DGKZ: variants seen among roughly 807,000 people sequenced by gnomAD.
DGKZ encodes DAG kinase zeta.
Under a neutral mutation model 142.5 loss-of-function variants are expected in DGKZ, and 45 were observed. The ratio of observed to expected loss-of-function variants is 0.32; its 90% CI spans 0.25 to 0.40. The LOEUF is 0.40. Ranked by LOEUF, DGKZ falls within the 10% of genes least tolerant of loss-of-function variation. The pLI, the probability that DGKZ is intolerant of heterozygous loss-of-function variation, is 1.00. For synonymous variants in DGKZ, 442 were observed against 527.0 expected (o/e 0.84, Z 2.21); for missense variants, 755 against 1,306.5 (o/e 0.58, Z 6.51).
chr11:46,341,430 G>A (rs1940271516), intron 1 of DGKZ, among the ~76,000 whole-genome samples: 1 of 152,234 alleles, frequency 6.6e-6, no homozygotes. Flanking sequence ...GGGGTGGAAT[G>A]CCAGTTCAGG....
intron 26 of DGKZ, 34 bp downstream of exon 26, chr11:46,378,263 GC>G: frequency 6.3e-7 from 1 of 1,591,868 alleles, no homozygotes; most frequent in Non-Finnish European, 8.6e-7. Flanking sequence ...CCTCCTTTCT[GC>G]CTGGTTGGGG....
At position 46,371,277 on chromosome 11, in the gene DGKZ, C is replaced by T. The variant is rs1590590750; in HGVS notation, c.571-36C>T. ...GAGGGGCTGGGTCTGCTGCTCCACGCCTGCCCTGGTTCCCATCCATCCTGT... is the reference window on the plus strand; with the variant it reads ...GAGGGGCTGGGTCTGCTGCTCCACGTCTGCCCTGGTTCCCATCCATCCTGT... On this transcript the variant is annotated intron_variant, in intron 6 of 30. Coordinates refer to ENST00000527911, the Ensembl canonical transcript of DGKZ. 6 of 1,604,064 alleles carry T rather than the reference C, an allele frequency of 3.7e-6. No individual in the cohort carries two copies. In the African/African-American group the frequency reaches 5.3e-5, roughly 14 times the overall value.
At chr11:46,357,405 T>C (rs1942155529) in intron 1 of DGKZ, among the ~76,000 whole-genome samples, 1 of 152,144 alleles carries the variant, frequency 6.6e-6, no homozygotes, top group South Asian at 2.1e-4. Flanking sequence ...TGGGGTCCTC[T>C]AGAGAGGAGA....
intron 1 of DGKZ, among the ~76,000 whole-genome samples, chr11:46,349,162 A>G (rs1420208347): frequency 1.3e-5 from 2 of 152,146 alleles, no homozygotes; most frequent in East Asian, 3.9e-4. Flanking sequence ...GAATTCTTAC[A>G]CTGGCAGATG....
chr11:46,372,328 C>T lies in DGKZ; in HGVS notation c.928-100C>T. 1.4e-6 allele frequency: 2 copies of T among 1,411,094 alleles called. No homozygotes were observed. Among genetic ancestry groups the T allele is most frequent in the Non-Finnish European group, 2.0e-6 (2 of 1,008,252 alleles). 87.4% of individuals were successfully genotyped at this position (1,411,094 alleles called of 1,614,324 possible). ...CCTGTCCTTTCTCCACCCCTCACCC[C>T]TTATTGGCCCTGGTTCCCACAGTCA... On this transcript the variant is annotated intron_variant, in intron 10 of 30. Coordinates refer to ENST00000527911, the Ensembl canonical transcript of DGKZ. This position sits in a 1 kb window ranked among gnomAD's most constrained non-coding sequence, Gnocchi z 5.9.
rs138391301 is a variant in DGKZ at position 46,376,720 on chromosome 11, G to A, written c.2202+156G>A. 3.8e-4 allele frequency: 384 copies of A among 1,014,570 alleles called. 1 individual carries two copies. Among genetic ancestry groups the A allele is most frequent in the African/African-American group, 3.7e-3 (232 of 62,980 alleles). The allele number at this position is 1,014,570 out of a possible 1,614,324, so 62.8% of individuals were successfully genotyped here. On this transcript the variant is annotated intron_variant, in intron 24 of 30. Transcript: ENST00000527911. Reference sequence around the variant, plus strand: ...TTGCCTGTGTGCATGGACAGCGTGCGGCCCTGCCCTCCACACTGGAGAGTA... The same window carrying A: ...TTGCCTGTGTGCATGGACAGCGTGCAGCCCTGCCCTCCACACTGGAGAGTA...
At position 46,372,987 on chromosome 11, in the gene DGKZ, G is replaced by A. The variant is rs1313171011; in HGVS notation, c.1212G>A (p.Lys404=). The A allele has an allele frequency of 6.5e-7, 1 of 1,539,578 alleles. No homozygotes were observed. Among genetic ancestry groups the A allele is most frequent in the African/African-American group, 1.4e-5 (1 of 72,824 alleles). The change falls in exon 14 of 31, where the codon AAG becomes AAA. Residue 404 remains lysine, a synonymous_variant. Coordinates refer to ENST00000527911, the Ensembl canonical transcript of DGKZ. This position sits in a 1 kb window ranked among gnomAD's most constrained non-coding sequence, Gnocchi z 5.9. Reference sequence around the variant, plus strand: ...GCTACACAGATGAGCCTGTGTCCAAGATCCTCTCCCACGTGGAGGAGGGGA... The same window carrying A: ...GCTACACAGATGAGCCTGTGTCCAAAATCCTCTCCCACGTGGAGGAGGGGA...
intron 1 of DGKZ, chr11:46,361,736 T>G (rs540168339): frequency 1.1e-6 from 1 of 939,266 alleles, no homozygotes; most frequent in Admixed American, 6.2e-5. Flanking sequence ...CCCTCCTTGC[T>G]TTCTGCTTCC....
At chr11:46,365,539 C>CAGT (rs2136455537) in intron 1 of DGKZ, 1 of 985,436 alleles carries the variant, frequency 1.0e-6, no homozygotes, top group African/African-American at 1.7e-5. Flanking sequence ...GAGAGCCAGA[C>CAGT]AGTGACTCTC....
At chr11:46,349,973 C>T (rs1324597209) in intron 1 of DGKZ, among the ~76,000 whole-genome samples, 2 of 152,162 alleles carry the variant, frequency 1.3e-5, no homozygotes, top group African/African-American at 4.8e-5. Context: ...AGGTGATTCT[C>T]ATGTCCCATC....
At chr11:46,333,090 C>T in exon 1 of DGKZ, 1 of 450,020 alleles carries the variant, frequency 2.2e-6, no homozygotes, top group Non-Finnish European at 3.5e-6. Context: ...CGGCCCGCCT[C>T]TCCCAGGCGC....
At chr11:46,366,699 G>A (rs1431839529) in intron 1 of DGKZ, 2 of 1,563,290 alleles carry the variant, frequency 1.3e-6, no homozygotes, top group African/African-American at 1.4e-5. Flanking sequence ...CCACCTCGGG[G>A]CGCCCAGCCG....
chr11:46,376,366 G>C, exon 23 of DGKZ: 2 of 1,614,112 alleles, frequency 1.2e-6, no homozygotes, highest in Non-Finnish European at 8.5e-7. Flanking sequence ...CGACATGCCA[G>C]AAACTGTCCC....
At chr11:46,366,373 T>C in intron 1 of DGKZ, 1 of 1,519,840 alleles carries the variant, frequency 6.6e-7, no homozygotes, top group African/African-American at 1.4e-5. Context: ...GCTCCCCCGC[T>C]GGGCAGGCCT....
At chr11:46,333,246 C>T in exon 1 of DGKZ, 1 of 1,245,746 alleles carries the variant, frequency 8.0e-7, no homozygotes, top group Non-Finnish European at 1.0e-6. Flanking sequence ...CGAAAGGCCG[C>T]AGGAGCCGCG....
upstream of DGKZ, chr11:46,345,403 G>A (rs190032893): frequency 4.7e-4 from 665 of 1,423,460 alleles, 5 homozygotes; most frequent in African/African-American, 7.8e-3. This position sits in a 1 kb window ranked among gnomAD's most constrained non-coding sequence, Gnocchi z 4.1. Flanking sequence ...GAGAGTCGCC[G>A]GGCAGGATGA....
chr11:46,349,097 G>T (rs1210915327), intron 1 of DGKZ, among the ~76,000 whole-genome samples: 1 of 152,118 alleles, frequency 6.6e-6, no homozygotes, highest in African/African-American at 2.4e-5. Flanking sequence ...GTCTCACCCG[G>T]GCTAGGGCCC....
chr11:46,372,114 T>A lies in DGKZ; in HGVS notation c.871T>A (p.Ser291Thr). The change falls in exon 10 of 31, where the codon TCC (serine) becomes ACC (threonine). Residue 291 changes from serine (S) to threonine (T), a missense_variant. Transcript: ENST00000527911. The surrounding 1 kb of genome is among the most constrained non-coding windows in gnomAD (Gnocchi z 5.9). Reference sequence around the variant, plus strand: ...ACCCTTCATCATCAGGCCCACCCCCTCCCCGCTCATGAAGCCCCTGCTGGT... The same window carrying A: ...ACCCTTCATCATCAGGCCCACCCCCACCCCGCTCATGAAGCCCCTGCTGGT... 5.0e-6 allele frequency: 8 copies of A among 1,611,618 alleles called. No individual in the cohort carries two copies. The highest frequency in any genetic ancestry group is 6.8e-6 in the Non-Finnish European group (8 of 1,179,278).
At chr11:46,349,206 T>G (rs1005981200) in intron 1 of DGKZ, among the ~76,000 whole-genome samples, 1 of 152,224 alleles carries the variant, frequency 6.6e-6, no homozygotes, top group African/African-American at 2.4e-5. Context: ...CCACGCAGGC[T>G]TCAATGTCAT....
Sources: gnomAD v4.1 joint callset for allele counts (sites outside exome capture counted in the v4.1 genomes callset) on GRCh38, gnomAD v4.1.1 for gene constraint, Gnocchi (gnomAD v3.1) non-coding constraint, MANE v1.5 for transcripts, NCBI Gene and HGNC (gene_info 2026-07-23, HGNC 2026-07-21) for gene names.